Variants in STARD13 observed in about 807,000 individuals in gnomAD.
STARD13 encodes the protein StAR related lipid transfer domain containing 13, also known as stAR-related lipid transfer protein 13.
A neutral mutation model predicts 106.4 loss-of-function variants in STARD13; 62 were observed. That is an observed-to-expected ratio of 0.58 (90% CI 0.48 to 0.72). The LOEUF is 0.72. STARD13 is among the 30% of genes least tolerant of loss of function. STARD13 has a pLI of 0.00. For missense variants in STARD13, 1,387 were observed against 1,424.0 expected (o/e 0.97, Z 0.42); for synonymous variants, 565 against 553.0 (o/e 1.02, Z -0.31).
intron 13 of STARD13, 21 bp downstream of exon 13, chr13:33,106,737 A>G (rs757803931): frequency 1.9e-6 from 3 of 1,585,964 alleles, no homozygotes; most frequent in Non-Finnish European, 2.6e-6. Context: ...TGAGCCTGCC[A>G]TTAAGGGAGT....
chr13:33,412,823 T>C, the STARD13 span, among the ~76,000 whole-genome samples: 1 of 152,130 alleles, frequency 6.6e-6, no homozygotes, highest in East Asian at 1.9e-4. Context: ...CAAACATTGA[T>C]AGAACAAAAA....
At chr13:33,136,749 CT>C (rs1343562329) in intron 4 of STARD13, among the ~76,000 whole-genome samples, 3 of 152,200 alleles carry the variant, frequency 2.0e-5, no homozygotes, top group Non-Finnish European at 2.9e-5. Context: ...TGCTGTGTCG[CT>C]CAATAAAAAT....
the STARD13 span, among the ~76,000 whole-genome samples, chr13:33,463,612 C>T: frequency 6.6e-6 from 1 of 152,150 alleles, no homozygotes; most frequent in African/African-American, 2.4e-5. Flanking sequence ...AAAGCAGAGA[C>T]CAGCTATATA....
Position 33,152,329 on chromosome 13 carries a change from T to C in STARD13, c.324-9956A>G, listed in dbSNP as rs1370792059. ...TGAGAGGCTCCTCCTTCACATGTTT[T>C]TTTCATTTTTTTTCTTCTTCTCTTC... On this transcript the variant is annotated intron_variant, in intron 3 of 13. Coordinates refer to ENST00000336934, the MANE Select transcript of STARD13 (RefSeq NM_178006.4). Among the ~76,000 whole-genome samples the C allele has an allele frequency of 2.0e-5, 3 of 151,916 alleles. No homozygotes were observed. The East Asian group carries it at 5.8e-4, about 29-fold the overall frequency.
At chr13:33,582,339 T>C in the STARD13 span, among the ~76,000 whole-genome samples, 1 of 152,232 alleles carries the variant, frequency 6.6e-6, no homozygotes, top group Non-Finnish European at 1.5e-5. Context: ...TTCTTACTTT[T>C]ACTCATTCTA....
chr13:33,514,402 G>T, the STARD13 span, among the ~76,000 whole-genome samples: 2 of 152,144 alleles, frequency 1.3e-5, no homozygotes, highest in Admixed American at 6.6e-5. Context: ...GGACGGCCAT[G>T]GGGTGCTGCT....
the STARD13 span, among the ~76,000 whole-genome samples, chr13:33,431,558 A>T: frequency 3.9e-5 from 6 of 152,266 alleles, no homozygotes; most frequent in Non-Finnish European, 7.4e-5. Context: ...CATGGGAAAA[A>T]TTTTTTTGAA....
At chr13:33,329,758 C>G (rs1482021543) in intron 1 of STARD13, among the ~76,000 whole-genome samples, 1 of 147,648 alleles carries the variant, frequency 6.8e-6, no homozygotes, top group African/African-American at 2.5e-5. Context: ...GGCTGTAGAG[C>G]AATGATGCAA....
chr13:33,136,012 C>G (rs552927572), intron 4 of STARD13, among the ~76,000 whole-genome samples: 1 of 152,138 alleles, frequency 6.6e-6, no homozygotes, highest in Non-Finnish European at 1.5e-5. Context: ...GTCACAGCTA[C>G]TCGGGAGGCT....
intron 1 of STARD13, among the ~76,000 whole-genome samples, chr13:33,218,678 C>G (rs1888176261): frequency 6.6e-6 from 1 of 152,162 alleles, no homozygotes; most frequent in South Asian, 2.1e-4. Context: ...TTAAATAGAA[C>G]ATTATAAGAA....
chr13:33,115,122 T>A (rs1875176901), intron 8 of STARD13, among the ~76,000 whole-genome samples: 1 of 152,144 alleles, frequency 6.6e-6, no homozygotes, highest in Non-Finnish European at 1.5e-5. Flanking sequence ...CTTTGACTCT[T>A]CTATCCTTCT....
intron 1 of STARD13, among the ~76,000 whole-genome samples, chr13:33,209,682 G>A (rs985769653): frequency 4.6e-5 from 7 of 152,004 alleles, no homozygotes; most frequent in Admixed American, 2.0e-4. Flanking sequence ...TACAAGAAGC[G>A]GAGTCCAAGA....
chr13:33,132,097 T>C (rs1185165803), intron 4 of STARD13, among the ~76,000 whole-genome samples: 1 of 152,222 alleles, frequency 6.6e-6, no homozygotes. Flanking sequence ...CAAAATCTAG[T>C]TTCCGTGTAG....
the STARD13 span, among the ~76,000 whole-genome samples, chr13:33,355,904 C>A: frequency 6.6e-6 from 1 of 152,188 alleles, no homozygotes. Flanking sequence ...AAAAAAGCAT[C>A]AGGCTCCACA....
At chr13:33,663,140 C>T in the STARD13 span, among the ~76,000 whole-genome samples, 1 of 152,030 alleles carries the variant, frequency 6.6e-6, no homozygotes, top group Non-Finnish European at 1.5e-5. Flanking sequence ...GCGTAGTGTG[C>T]AGTGGTAAGA....
chr13:33,395,696 A>T, the STARD13 span, among the ~76,000 whole-genome samples: 1 of 152,220 alleles, frequency 6.6e-6, no homozygotes, highest in African/African-American at 2.4e-5. Context: ...CCAACTATTA[A>T]CTATTTTGTT....
the STARD13 span, among the ~76,000 whole-genome samples, chr13:33,528,271 T>TAC: frequency 1.7e-4 from 21 of 127,246 alleles, 1 homozygote; most frequent in Non-Finnish European, 2.4e-4. Flanking sequence ...TATATATATA[T>TAC]ATACTCTTTT....
At chr13:33,269,800 GA>G (rs1211044950) in intron 1 of STARD13, among the ~76,000 whole-genome samples, 2 of 152,146 alleles carry the variant, frequency 1.3e-5, no homozygotes, top group African/African-American at 4.8e-5. Flanking sequence ...TGAGAAGAAA[GA>G]AAAATGAGAG....
At chr13:33,433,287 A>T in the STARD13 span, among the ~76,000 whole-genome samples, 1 of 152,198 alleles carries the variant, frequency 6.6e-6, no homozygotes, top group East Asian at 1.9e-4. Context: ...CATCCTCTAG[A>T]AGAACTGCTC....
Sources: gnomAD v4.1 joint callset for allele counts (sites outside exome capture counted in the v4.1 genomes callset) on GRCh38, gnomAD v4.1.1 for gene constraint, MANE v1.5 for transcripts, NCBI Gene and HGNC (gene_info 2026-07-23, HGNC 2026-07-21) for gene names.